The following EPB41L4B variants were observed in gnomAD, a reference collection of about 807,000 sequenced individuals.
EPB41L4B encodes the protein erythrocyte membrane protein band 4.1 like 4B.
EPB41L4B carries 30 observed loss-of-function variants against 112.5 expected under a neutral mutation model. That is an observed-to-expected ratio of 0.27 (90% CI 0.20 to 0.36). EPB41L4B has a LOEUF of 0.36. Among genes scored for constraint, EPB41L4B ranks in the 10% least tolerant of loss-of-function variants. EPB41L4B has a pLI of 1.00. For synonymous variants in EPB41L4B, 408 were observed against 439.7 expected, an observed-to-expected ratio of 0.93 and a Z score of 0.90; for missense variants, 1,024 against 1,133.3, an observed-to-expected ratio of 0.90 and a Z score of 1.38.
intron 22 of EPB41L4B, among the ~76,000 whole-genome samples, chr9:109,186,910 C>G (rs1832291609): frequency 6.6e-6 from 1 of 152,214 alleles, no homozygotes; most frequent in East Asian, 1.9e-4. Flanking sequence ...CTGGGACACC[C>G]TGCTACTTAG....
chr9:109,217,113 G>A lies in EPB41L4B; in HGVS notation c.1442C>T (p.Ser481Leu), dbSNP rs768403763. Residue 481 changes from serine to leucine, a missense_variant, in exon 16 of 26, where the codon TCG (serine) becomes TTG (leucine). Transcript: ENST00000374566. ...CTCAATGCCAAAAGGCAACCGGTCC[G>A]AGCTGCTAAGCACTGGGGAAGGGAG... ...YPLPSPVLSS[S>L]DRLPFGIEEN... 42 of 1,614,020 alleles carry A rather than the reference G, an allele frequency of 2.6e-5. No individual in the cohort carries two copies. The highest frequency in any genetic ancestry group is 3.2e-5 in the Non-Finnish European group (38 of 1,180,048).
intron 23 of EPB41L4B, 134 bp downstream of exon 23, chr9:109,185,355 G>A (rs1832214777): frequency 4.2e-6 from 3 of 711,998 alleles, no homozygotes; most frequent in Non-Finnish European, 7.3e-6. Flanking sequence ...TCCATCTGGA[G>A]TGAGGGCACC....
At chr9:109,185,374 G>T in intron 23 of EPB41L4B, 115 bp downstream of exon 23, 1 of 837,356 alleles carries the variant, frequency 1.2e-6, no homozygotes. Flanking sequence ...CCTGTCGATG[G>T]GCTCTGCCCG....
At position 109,185,459 on chromosome 9, in the gene EPB41L4B, C is replaced by T. The variant is rs201354277; in HGVS notation, c.2418+30G>A. On this transcript the variant is annotated intron_variant, in intron 23 of 25. Coordinates refer to ENST00000374566, the MANE Select transcript of EPB41L4B (RefSeq NM_019114.5). The stretch of plus-strand genomic sequence containing the variant: ...CTCCTGCCCACCTCACCTCTCCTGG[C>T]CAGGCCCCTCTCCCTGCCAGGGTAC... 65 of 1,599,734 alleles carry T rather than the reference C, an allele frequency of 4.1e-5. No homozygotes were observed. In the East Asian group the frequency reaches 1.1e-3, roughly 26 times the overall value.
At chr9:109,298,823 A>C (rs1156501127) in intron 1 of EPB41L4B, among the ~76,000 whole-genome samples, 4 of 152,198 alleles carry the variant, frequency 2.6e-5, no homozygotes, top group Non-Finnish European at 4.4e-5. Flanking sequence ...TTTATCTGGA[A>C]TGGTTGAGCA....
chr9:109,320,130 C>A lies in EPB41L4B; in HGVS notation c.306+11G>T. 1 of 1,448,236 alleles carries A rather than the reference C, an allele frequency of 6.9e-7. No individual in the cohort carries two copies. The highest frequency in any genetic ancestry group is 9.1e-7 in the Non-Finnish European group (1 of 1,096,618). 89.7% of individuals were successfully genotyped at this position (1,448,236 alleles called of 1,614,324 possible). ...GAGGTGCCAGTGCCCCAGACTGGCC[C>A]CGTCACTCACCGGCAGGTCCACGCT... On this transcript the variant is annotated intron_variant, in intron 1 of 25. Coordinates refer to ENST00000374566, the MANE Select transcript of EPB41L4B (RefSeq NM_019114.5).
intron 22 of EPB41L4B, among the ~76,000 whole-genome samples, chr9:109,190,798 TG>T (rs1255976228): frequency 6.6e-6 from 1 of 152,190 alleles, no homozygotes; most frequent in Admixed American, 6.5e-5. Context: ...TGTGAAGGAC[TG>T]GATGAGATGG....
At chr9:109,273,709 G>A (rs538875121) in intron 2 of EPB41L4B, among the ~76,000 whole-genome samples, 1 of 152,226 alleles carries the variant, frequency 6.6e-6, no homozygotes, top group South Asian at 2.1e-4. Flanking sequence ...CTGAGCCTCA[G>A]TTTCAGCCCC....
At position 109,243,657 on chromosome 9, in the gene EPB41L4B, G is replaced by A; in HGVS notation, c.1370C>T (p.Pro457Leu). ...YQPQYHPNIH[P>L]SQPRWHPHSP... Reference sequence around the variant, plus strand: ...GTGAGGATGCCACCGGGGCTGGCTGGGATGGATATTAGGATGATATTGAGG... The same window carrying A: ...GTGAGGATGCCACCGGGGCTGGCTGAGATGGATATTAGGATGATATTGAGG... The change falls in exon 15 of 26, where the codon CCC becomes CTC. Residue 457 changes from proline to leucine, a missense_variant. By Grantham distance (98) the Pro-to-Leu change is moderately conservative. Transcript: ENST00000374566. 1 of 1,614,154 alleles carries A rather than the reference G, an allele frequency of 6.2e-7. No individual in the cohort carries two copies. The highest frequency in any genetic ancestry group is 1.1e-5 in the South Asian group (1 of 91,076).
At chr9:109,218,126 CTTT>C (rs10654240) in intron 15 of EPB41L4B, among the ~76,000 whole-genome samples, 58 of 106,552 alleles carry the variant, frequency 5.4e-4, no homozygotes, top group Non-Finnish European at 7.4e-4. Flanking sequence ...ACTAATAATT[CTTT>C]TTTTTTTTTT....
chr9:109,290,316 C>T (rs1040280950), intron 1 of EPB41L4B, among the ~76,000 whole-genome samples: 5 of 152,196 alleles, frequency 3.3e-5, no homozygotes, highest in Non-Finnish European at 7.3e-5. Context: ...ATTATTGTGA[C>T]TTTCATCGAA....
intron 1 of EPB41L4B, among the ~76,000 whole-genome samples, chr9:109,298,204 G>C (rs991860846): frequency 1.3e-5 from 2 of 152,078 alleles, no homozygotes; most frequent in African/African-American, 4.8e-5. Flanking sequence ...TCTGTGGTTT[G>C]TGGTTAGGGT....
At chr9:109,208,820 T>A (rs1416670422) in intron 17 of EPB41L4B, among the ~76,000 whole-genome samples, 1 of 152,176 alleles carries the variant, frequency 6.6e-6, no homozygotes, top group African/African-American at 2.4e-5. Context: ...ACACACTACA[T>A]TTTGGGAAAT....
chr9:109,253,479 C>T lies in EPB41L4B; in HGVS notation c.1241G>A (p.Ser414Asn). ...ATGTCTCCGGGATGGATAACGTTTA[C>T]TAGGCTTCCTCTCAAAGGTGCTGGT... ...RRTSTFERKPSKRYPSRRHST... is the reference protein window; with the variant it reads ...RRTSTFERKPNKRYPSRRHST... Residue 414 changes from serine (S) to asparagine (N), a missense_variant, in exon 12 of 26, where the codon AGT (serine) becomes AAT (asparagine). By Grantham distance (46) the Ser-to-Asn change is conservative (BLOSUM62 1). Transcript: ENST00000374566. 2 of 1,614,018 alleles carry T rather than the reference C, an allele frequency of 1.2e-6. No homozygotes were observed. Among genetic ancestry groups the T allele is most frequent in the African/African-American group, 1.3e-5 (1 of 75,038 alleles).
intron 15 of EPB41L4B, among the ~76,000 whole-genome samples, chr9:109,234,742 C>T (rs1834079084): frequency 6.6e-6 from 1 of 152,100 alleles, no homozygotes; most frequent in South Asian, 2.1e-4. Flanking sequence ...TGGTGCATGC[C>T]AGCTACTCAG....
chr9:109,320,242 C>G lies in EPB41L4B; in HGVS notation c.205G>C (p.Gly69Arg). ...FPAGGGPLLT[G>R]GAAVHISAAG... ...GCGGAGATGTGCACGGCCGCGCCGC[C>G]GGTGAGCAGGGGCCCGCCGCCCGCC... The change falls in exon 1 of 26, where the codon GGC (glycine) becomes CGC (arginine). Residue 69 changes from glycine (G) to arginine (R), a missense_variant. Physicochemically the swap from Gly to Arg is moderately radical, Grantham distance 125. Transcript: ENST00000374566. The G allele has an allele frequency of 7.9e-7, 1 of 1,269,116 alleles. No individual in the cohort carries two copies. The highest frequency in any genetic ancestry group is 1.0e-6 in the Non-Finnish European group (1 of 1,003,976). 78.6% of individuals were successfully genotyped at this position (1,269,116 alleles called of 1,614,324 possible). A position where few individuals can be genotyped will look rare whatever the true frequency, so the allele number is the denominator to read the frequency against.
At chr9:109,209,679 A>T (rs1408156040) in intron 17 of EPB41L4B, among the ~76,000 whole-genome samples, 1 of 152,098 alleles carries the variant, frequency 6.6e-6, no homozygotes, top group Non-Finnish European at 1.5e-5. Context: ...TTATAAAAAG[A>T]AAAAGAGTGC....
intron 15 of EPB41L4B, among the ~76,000 whole-genome samples, chr9:109,233,873 C>A (rs893597561): frequency 6.6e-6 from 1 of 152,188 alleles, no homozygotes; most frequent in Non-Finnish European, 1.5e-5. Flanking sequence ...AATATCAACT[C>A]ATTCAAGCCT....
At chr9:109,319,667 C>T (rs1190530651) in intron 1 of EPB41L4B, among the ~76,000 whole-genome samples, 1 of 152,246 alleles carries the variant, frequency 6.6e-6, no homozygotes, top group Non-Finnish European at 1.5e-5. Context: ...TCTGCTGTCT[C>T]ATCAAGGCCT....
Sources: gnomAD v4.1 joint callset for allele counts (sites outside exome capture counted in the v4.1 genomes callset) on GRCh38, gnomAD v4.1.1 for gene constraint, MANE v1.5 for transcripts, NCBI Gene and HGNC (gene_info 2026-07-23, HGNC 2026-07-21) for gene names.